LHPP: variants seen among roughly 807,000 people sequenced by gnomAD.
LHPP encodes hLHPP.
LHPP carries 24 observed loss-of-function variants against 30.3 expected under a neutral mutation model. The observed-to-expected ratio is 0.79, with a 90% confidence interval of 0.57 to 1.11. The LOEUF is 1.11. LHPP is among the 50% of genes most tolerant of loss of function. The pLI, the probability that LHPP is intolerant of heterozygous loss-of-function variation, is 0.00. For missense variants in LHPP, 356 were observed against 367.2 expected (o/e 0.97, Z 0.25); for synonymous variants, 150 against 157.1 (o/e 0.95, Z 0.34).
intron 6 of LHPP, among the ~76,000 whole-genome samples, chr10:124,554,769 T>C (rs528929379): frequency 1.3e-5 from 2 of 152,344 alleles, no homozygotes; most frequent in East Asian, 1.9e-4. Context: ...ATCATTTCTG[T>C]ACACTTTTTC....
At chr10:124,519,982 A>G (rs1026684674) in intron 6 of LHPP, among the ~76,000 whole-genome samples, 9 of 151,770 alleles carry the variant, frequency 5.9e-5, no homozygotes, top group African/African-American at 2.2e-4. Flanking sequence ...ACAGGCGCCC[A>G]CCACCACGCC....
At chr10:124,524,691 GT>G (rs1954689863) in intron 6 of LHPP, among the ~76,000 whole-genome samples, 2 of 152,118 alleles carry the variant, frequency 1.3e-5, no homozygotes, top group Non-Finnish European at 2.9e-5. Flanking sequence ...AATTAGCCAG[GT>G]GTGGTGACAC....
chr10:124,474,940 G>A (rs2133828782), intron 1 of LHPP, among the ~76,000 whole-genome samples: 1 of 152,218 alleles, frequency 6.6e-6, no homozygotes, highest in African/African-American at 2.4e-5. Flanking sequence ...CCCAACAGTG[G>A]GTTTGTCAGA....
At chr10:124,556,766 A>T (rs1948307158) in intron 6 of LHPP, among the ~76,000 whole-genome samples, 1 of 152,224 alleles carries the variant, frequency 6.6e-6, no homozygotes, top group Admixed American at 6.5e-5. Flanking sequence ...TGATAATGAG[A>T]CTAAAGGCTT....
intron 6 of LHPP, among the ~76,000 whole-genome samples, chr10:124,549,437 C>CA (rs771160755): frequency 1.9e-3 from 232 of 122,898 alleles, no homozygotes; most frequent in East Asian, 5.5e-3. Flanking sequence ...GACCCTGTCT[C>CA]AAAAAAAAAA....
chr10:124,488,500 C>T lies in LHPP; in HGVS notation c.392C>T (p.Ser131Phe). 1.2e-6 allele frequency: 2 copies of T among 1,613,946 alleles called. No homozygotes were observed. Among genetic ancestry groups the T allele is most frequent in the East Asian group, 2.2e-5 (1 of 44,858 alleles). ...ATTGCAGACGCAGGAGAAAGCTTTT[C>T]TTATCAAAACATGAATAACGCCTTC... ...VVIADAGESF[S>F]YQNMNNAFQV... Residue 131 changes from serine (S) to phenylalanine (F), a missense_variant, in exon 3 of 7, where the codon TCT becomes TTT. Transcript: ENST00000368842.
At chr10:124,465,275 G>T (rs191719727) in intron 1 of LHPP, among the ~76,000 whole-genome samples, 1 of 152,148 alleles carries the variant, frequency 6.6e-6, no homozygotes, top group Non-Finnish European at 1.5e-5. Context: ...GTTCGAGGGC[G>T]TGGGGTGGGG....
intron 6 of LHPP, among the ~76,000 whole-genome samples, chr10:124,543,346 G>A (rs913162807): frequency 7.9e-5 from 12 of 152,376 alleles, no homozygotes; most frequent in African/African-American, 2.9e-4. Flanking sequence ...CGGCCCAGGT[G>A]CGGGGTCTGC....
chr10:124,543,755 T>C (rs907031363), intron 6 of LHPP, among the ~76,000 whole-genome samples: 2 of 118,666 alleles, frequency 1.7e-5, no homozygotes, highest in African/African-American at 6.8e-5. Context: ...GCACCTTCAA[T>C]TTTTTTCTTT....
chr10:124,514,676 G>T (rs984681074), intron 5 of LHPP, among the ~76,000 whole-genome samples: 1 of 151,994 alleles, frequency 6.6e-6, no homozygotes, highest in Non-Finnish European at 1.5e-5. Flanking sequence ...AGTTTTCTTT[G>T]TGTTTCTTGT....
intron 5 of LHPP, chr10:124,498,442 C>G: frequency 2.6e-6 from 4 of 1,510,374 alleles, no homozygotes; most frequent in Non-Finnish European, 3.5e-6. Context: ...ATATATCTCA[C>G]TGGCAAGACA....
intron 6 of LHPP, among the ~76,000 whole-genome samples, chr10:124,538,549 C>A (rs993580930): frequency 1.8e-4 from 27 of 152,278 alleles, no homozygotes; most frequent in East Asian, 1.7e-3. Flanking sequence ...GTGGGGTGGA[C>A]CCCCTGCCCG....
chr10:124,583,186 T>C (rs1948762818), intron 6 of LHPP, among the ~76,000 whole-genome samples: 1 of 152,236 alleles, frequency 6.6e-6, no homozygotes, highest in Non-Finnish European at 1.5e-5. Context: ...TTGTTGCTTA[T>C]AGTTTTGGTG....
intron 6 of LHPP, among the ~76,000 whole-genome samples, chr10:124,606,095 G>A (rs1025653912): frequency 1.3e-5 from 2 of 152,192 alleles, no homozygotes; most frequent in Non-Finnish European, 2.9e-5. Flanking sequence ...CTCAGCCAGA[G>A]ACGCCCAAAT....
chr10:124,480,563 C>T (rs1267557663), intron 1 of LHPP, among the ~76,000 whole-genome samples: 1 of 152,236 alleles, frequency 6.6e-6, no homozygotes, highest in Non-Finnish European at 1.5e-5. Flanking sequence ...TGCACTTCTT[C>T]ACTCAACTGC....
chr10:124,573,113 A>C (rs1013636351), intron 6 of LHPP, among the ~76,000 whole-genome samples: 6 of 152,242 alleles, frequency 3.9e-5, no homozygotes, highest in Non-Finnish European at 8.8e-5. Flanking sequence ...GTCACAGTGA[A>C]CATTCTTTTA....
intron 1 of LHPP, among the ~76,000 whole-genome samples, chr10:124,479,479 A>T (rs1277895562): frequency 6.6e-6 from 1 of 152,242 alleles, no homozygotes; most frequent in African/African-American, 2.4e-5. Context: ...CTGGGCTGCC[A>T]TAACAAGTGC....
intron 6 of LHPP, among the ~76,000 whole-genome samples, chr10:124,522,302 T>G (rs189810299): frequency 1.3e-5 from 2 of 152,286 alleles, no homozygotes; most frequent in Admixed American, 6.5e-5. Context: ...TTCCCAGGAC[T>G]CCTGGCGCAT....
rs1163044477 is a variant in LHPP, at chr10:124,593,491, A to G, written c.717-19773A>G. ...TTTCCCTGCAGTTGTTTCCAGCATTAGAGTCACACTGGGGTCCTTGTTCTA... is the reference window on the plus strand; with the variant it reads ...TTTCCCTGCAGTTGTTTCCAGCATTGGAGTCACACTGGGGTCCTTGTTCTA... On this transcript the variant is annotated intron_variant, in intron 6 of 6. Coordinates refer to ENST00000368842, the MANE Select transcript of LHPP (RefSeq NM_022126.4). This position sits in a 1 kb window ranked among gnomAD's most constrained non-coding sequence, Gnocchi z 4.9. 6.6e-6 allele frequency among the ~76,000 whole-genome samples: 1 copy of G among 152,156 alleles called. No individual in the cohort carries two copies. The highest frequency in any genetic ancestry group is 1.5e-5 in the Non-Finnish European group (1 of 68,034).
Sources: gnomAD v4.1 joint callset for allele counts (sites outside exome capture counted in the v4.1 genomes callset) on GRCh38, gnomAD v4.1.1 for gene constraint, Gnocchi (gnomAD v3.1) non-coding constraint, MANE v1.5 for transcripts, NCBI Gene and HGNC (gene_info 2026-07-23, HGNC 2026-07-21) for gene names.